Variants in FBXL19 observed in about 807,000 individuals in gnomAD.
The protein encoded by FBXL19 is F-box and leucine rich repeat protein 19, also known as F-box/LRR-repeat protein 19.
In FBXL19, 16 loss-of-function variants were observed where a neutral mutation model predicts 71.2. The ratio of observed to expected loss-of-function variants is 0.22; its 90% CI spans 0.15 to 0.34. The LOEUF is 0.34. Among genes scored for constraint, FBXL19 ranks in the 10% least tolerant of loss-of-function variants. The probability of loss-of-function intolerance (pLI) is 1.00; values close to 1 mark genes in which losing one functional copy is unlikely to be tolerated. For missense variants in FBXL19, 658 were observed against 968.2 expected (o/e 0.68, Z 4.25); for synonymous variants, 447 against 409.4 (o/e 1.09, Z -1.11).
chr16:30,941,184 A>G (rs2055798433), intron 7 of FBXL19, among the ~76,000 whole-genome samples: 1 of 152,212 alleles, frequency 6.6e-6, no homozygotes, highest in Admixed American at 6.5e-5. Context: ...TTCATTCATT[A>G]CAAATGGGCA....
At position 30,947,043 on chromosome 16, in the gene FBXL19, C is replaced by T; in HGVS notation, c.1847-9C>T. The T allele has an allele frequency of 6.3e-7, 1 of 1,588,232 alleles. No homozygotes were observed. The highest frequency in any genetic ancestry group is 8.5e-7 in the Non-Finnish European group (1 of 1,170,224). ...CTGCCTGGTCTCAGCTCCACTGCCCCATCCCCAGGTTGCCACCGCCTAACG... is the reference window on the plus strand; with the variant it reads ...CTGCCTGGTCTCAGCTCCACTGCCCTATCCCCAGGTTGCCACCGCCTAACG... On this transcript the variant is annotated splice_polypyrimidine_tract_variant and intron_variant, in intron 10 of 10. Coordinates refer to ENST00000338343, the MANE Select transcript of FBXL19 (RefSeq NM_001382779.1).
chr16:30,923,271 T>G (rs1377063813), upstream of FBXL19: 4 of 446,964 alleles, frequency 8.9e-6, no homozygotes, highest in South Asian at 6.2e-5. Flanking sequence ...CTCGATGTTC[T>G]GCAACTGGGA....
At position 30,946,824 on chromosome 16, in the gene FBXL19, T is replaced by A. The variant is rs765683789; in HGVS notation, c.1722T>A (p.Arg574=). Residue 574 remains arginine, a synonymous_variant, in exon 10 of 11, where the codon CGT becomes CGA. Coordinates refer to ENST00000338343, the MANE Select transcript of FBXL19 (RefSeq NM_001382779.1). This position sits in a 1 kb window ranked among gnomAD's most constrained non-coding sequence, Gnocchi z 6.7. Reference sequence around the variant, plus strand: ...ATGCCTCCCTGCGTCTCCTGCTGCGTCACGCACCCCAGCTGAGCGCCCTGG... The same window carrying A: ...ATGCCTCCCTGCGTCTCCTGCTGCGACACGCACCCCAGCTGAGCGCCCTGG... The part of the protein sequence containing the change: ...LTDASLRLLL[R]HAPQLSALDL... 2 of 1,612,890 alleles carry A rather than the reference T, an allele frequency of 1.2e-6. No individual in the cohort carries two copies. Among genetic ancestry groups the A allele is most frequent in the Admixed American group, 1.7e-5 (1 of 59,922 alleles).
chr16:30,924,681 C>G lies in FBXL19; in HGVS notation c.-25+222C>G, dbSNP rs2055569268. The G allele has an allele frequency of 3.4e-6, 5 of 1,461,494 alleles. No homozygotes were observed. The South Asian group carries it at 7.3e-5, about 21-fold the overall frequency. The allele number at this position is 1,461,494 out of a possible 1,614,324, so 90.5% of individuals were successfully genotyped here. A position where few individuals can be genotyped will look rare whatever the true frequency, so the allele number is the denominator to read the frequency against. On this transcript the variant is annotated intron_variant, in intron 1 of 10. Transcript: ENST00000338343. The stretch of plus-strand genomic sequence containing the variant: ...AAGCCCCCACCCCCGCCTGCAGTCG[C>G]CGCCCTCCAGGCCCCTCCCCTGGAG...
In FBXL19 at chr16:30,933,768, T is replaced by C. The variant is rs185979503; in HGVS notation, c.1301+3184T>C. On this transcript the variant is annotated intron_variant, in intron 7 of 10. Coordinates refer to ENST00000338343, the MANE Select transcript of FBXL19 (RefSeq NM_001382779.1). The stretch of plus-strand genomic sequence containing the variant: ...GCCCGGCCAAGAACTTTTTTTTTTT[T>C]TGAGATGTAGTTTAGCTCTTGTTGC... Among the ~76,000 whole-genome samples, 69 of 151,468 alleles carry C rather than the reference T, an allele frequency of 4.6e-4. 1 individual carries two copies. Among genetic ancestry groups the C allele is most frequent in the African/African-American group, 1.7e-3 (68 of 41,210 alleles).
intron 7 of FBXL19, among the ~76,000 whole-genome samples, chr16:30,935,386 C>T (rs2055721075): frequency 6.6e-6 from 1 of 152,094 alleles, no homozygotes; most frequent in South Asian, 2.1e-4. Flanking sequence ...TGCAGGCTTT[C>T]CTGTCTGGTG....
Position 30,942,090 on chromosome 16 carries a change from C to A in FBXL19, c.1302-26C>A, listed in dbSNP as rs1336291671. On this transcript the variant is annotated intron_variant, in intron 7 of 10. Coordinates refer to ENST00000338343, the MANE Select transcript of FBXL19 (RefSeq NM_001382779.1). The surrounding 1 kb of genome is among the most constrained non-coding windows in gnomAD (Gnocchi z 5.7). ...GCTGCTGAGAGCTGAGGGCTGAGGTCTCTGTCTCCCCCCTATGGCCGCCAG... is the reference window on the plus strand; with the variant it reads ...GCTGCTGAGAGCTGAGGGCTGAGGTATCTGTCTCCCCCCTATGGCCGCCAG... 1 of 1,527,252 alleles carries A rather than the reference C, an allele frequency of 6.5e-7. No individual in the cohort carries two copies. The highest frequency in any genetic ancestry group is 1.3e-5 in the South Asian group (1 of 79,614). The allele number at this position is 1,527,252 out of a possible 1,614,324, so 94.6% of individuals were successfully genotyped here.
At chr16:30,943,673 C>G (rs1402118971) in intron 9 of FBXL19, among the ~76,000 whole-genome samples, 1 of 152,090 alleles carries the variant, frequency 6.6e-6, no homozygotes, top group African/African-American at 2.4e-5. Flanking sequence ...CGCACCCGGC[C>G]TGTAATTCTT....
Position 30,942,674 on chromosome 16 carries a change from C to A in FBXL19, c.1627+138C>A, listed in dbSNP as rs1362109750. The A allele has an allele frequency of 2.9e-6, 4 of 1,396,662 alleles. No individual in the cohort carries two copies. Among genetic ancestry groups the A allele is most frequent in the Non-Finnish European group, 3.7e-6 (4 of 1,069,510 alleles). The allele number at this position is 1,396,662 out of a possible 1,614,324, so 86.5% of individuals were successfully genotyped here. The stretch of plus-strand genomic sequence containing the variant: ...AATACATGAGTTTGAATAGGAAGGC[C>A]CTGGTTGGGCATTATTCATTCATTC... On this transcript the variant is annotated intron_variant, in intron 9 of 10. Transcript: ENST00000338343. The surrounding 1 kb of genome is among the most constrained non-coding windows in gnomAD (Gnocchi z 5.7).
At position 30,947,740 on chromosome 16, in the gene FBXL19, T is replaced by A. The variant is rs1343382833; in HGVS notation, c.*510T>A. ...CAATTGGGGATCCAGGTGTCAGAGGTAGGGGAACCAGGGGCAAGCTGGGGC... is the reference window on the plus strand; with the variant it reads ...CAATTGGGGATCCAGGTGTCAGAGGAAGGGGAACCAGGGGCAAGCTGGGGC... On this transcript the variant is annotated 3_prime_UTR_variant, in exon 11 of 11. Transcript: ENST00000338343. 2.7e-6 allele frequency: 1 copy of A among 370,614 alleles called. No individual in the cohort carries two copies. Among genetic ancestry groups the A allele is most frequent in the Non-Finnish European group, 5.3e-6 (1 of 187,420 alleles). The allele number at this position is 370,614 out of a possible 1,614,324, so 23.0% of individuals were successfully genotyped here.
chr16:30,939,365 T>C (rs1215446754), intron 7 of FBXL19, among the ~76,000 whole-genome samples: 1 of 150,252 alleles, frequency 6.7e-6, no homozygotes, highest in Admixed American at 6.7e-5. Context: ...TGGACTTTTG[T>C]GTTTATTTTT....
At chr16:30,941,494 A>C (rs1263149378) in intron 7 of FBXL19, among the ~76,000 whole-genome samples, 2 of 152,140 alleles carry the variant, frequency 1.3e-5, no homozygotes, top group Admixed American at 6.6e-5. Context: ...AAAAGTGGAA[A>C]ACGCAAATCT....
intron 1 of FBXL19, chr16:30,924,701 C>G: frequency 1.3e-6 from 2 of 1,487,600 alleles, no homozygotes; most frequent in Non-Finnish European, 1.8e-6. Flanking sequence ...GGCCCCTCCC[C>G]TGGAGCGCTG....
rs1596659181 is a variant in FBXL19 at position 30,946,621 on chromosome 16, C to T, written c.1628-109C>T. On this transcript the variant is annotated intron_variant, in intron 9 of 10. Transcript: ENST00000338343. The surrounding 1 kb of genome is among the most constrained non-coding windows in gnomAD (Gnocchi z 6.7). Reference sequence around the variant, plus strand: ...TTTGAGAAGAGCAAGCCACAGAGTGCACCAGGTCACTCACTTATGTGGGAA... The same window carrying T: ...TTTGAGAAGAGCAAGCCACAGAGTGTACCAGGTCACTCACTTATGTGGGAA... 13 of 1,048,760 alleles carry T rather than the reference C, an allele frequency of 1.2e-5. No individual in the cohort carries two copies. In the East Asian group the frequency reaches 2.6e-4, roughly 21 times the overall value. The allele number at this position is 1,048,760 out of a possible 1,614,324, so 65.0% of individuals were successfully genotyped here.
At position 30,931,888 on chromosome 16, in the gene FBXL19, G is replaced by C. The variant is rs188288144; in HGVS notation, c.1301+1304G>C. 7.6e-3 allele frequency among the ~76,000 whole-genome samples: 1,140 copies of C among 150,774 alleles called. 13 individuals are homozygous for C. The highest frequency in any genetic ancestry group is 0.027 in the African/African-American group (1,089 of 41,032). Reference sequence around the variant, plus strand: ...ATTATAGGCACCCACCACCACACCCGGCTAATTTTTTTTTTTTTTTTTTTG... The same window carrying C: ...ATTATAGGCACCCACCACCACACCCCGCTAATTTTTTTTTTTTTTTTTTTG... On this transcript the variant is annotated intron_variant, in intron 7 of 10. Transcript: ENST00000338343.
At chr16:30,929,985 C>G in intron 6 of FBXL19, 88 bp from the exon 7 acceptor site, 1 of 1,508,306 alleles carries the variant, frequency 6.6e-7, no homozygotes, top group Non-Finnish European at 8.9e-7. Flanking sequence ...GTCCCTCGGG[C>G]TGTTCATCCC....
Position 30,946,639 on chromosome 16 carries a change from T to C in FBXL19, c.1628-91T>C, listed in dbSNP as rs1320388274. 2.4e-6 allele frequency: 3 copies of C among 1,259,014 alleles called. No individual in the cohort carries two copies. Among genetic ancestry groups the C allele is most frequent in the African/African-American group, 3.0e-5 (2 of 67,722 alleles). 78.0% of individuals were successfully genotyped at this position (1,259,014 alleles called of 1,614,324 possible). A position where few individuals can be genotyped will look rare whatever the true frequency, so the allele number is the denominator to read the frequency against. ...CAGAGTGCACCAGGTCACTCACTTATGTGGGAAGCAGGTGGAGGGCAGATG... is the reference window on the plus strand; with the variant it reads ...CAGAGTGCACCAGGTCACTCACTTACGTGGGAAGCAGGTGGAGGGCAGATG... On this transcript the variant is annotated intron_variant, in intron 9 of 10. Transcript: ENST00000338343. This position sits in a 1 kb window ranked among gnomAD's most constrained non-coding sequence, Gnocchi z 6.7.
In FBXL19 at chr16:30,925,783, C is replaced by T. The variant is rs537917935; in HGVS notation, c.29C>T (p.Ala10Val). The change falls in exon 2 of 11, where the codon GCC becomes GTC. Residue 10 changes from alanine (A) to valine (V), a missense_variant. Ala to Val is a moderately conservative substitution (Grantham distance 64). Transcript: ENST00000338343. The surrounding 1 kb of genome is among the most constrained non-coding windows in gnomAD (Gnocchi z 5.0). MSSSSRGPG[A>V]GARRRRTRCR... The stretch of plus-strand genomic sequence containing the variant: ...TCGTCGAGCAGCCGGGGGCCGGGGG[C>T]CGGAGCGCGCCGACGCCGAACCCGC... 3.3e-5 allele frequency: 49 copies of T among 1,487,568 alleles called. No individual in the cohort carries two copies. The African/African-American group carries it at 5.1e-4, about 15-fold the overall frequency. 92.1% of individuals were successfully genotyped at this position (1,487,568 alleles called of 1,614,324 possible).
chr16:30,938,967 A>G (rs1296153271), intron 7 of FBXL19, among the ~76,000 whole-genome samples: 1 of 151,800 alleles, frequency 6.6e-6, no homozygotes, highest in Non-Finnish European at 1.5e-5. Flanking sequence ...CACTTCTCTG[A>G]TACTTATCTC....
Sources: allele counts gnomAD v4.1 joint callset (sites outside exome capture counted in the v4.1 genomes callset), GRCh38; gene constraint gnomAD v4.1.1; non-coding constraint Gnocchi (gnomAD v3.1); transcripts MANE v1.5; gene names NCBI Gene and HGNC (gene_info 2026-07-23, HGNC 2026-07-21).